NXPH1: variants seen among roughly 807,000 people sequenced by gnomAD.
NXPH1 encodes the protein neurexophilin 1, also known as neurexophilin-1.
In NXPH1, 5 loss-of-function variants were observed where a neutral mutation model predicts 23.7. The ratio of observed to expected loss-of-function variants is 0.21; its 90% CI spans 0.11 to 0.44. The LOEUF is 0.44. Ranked by LOEUF, NXPH1 falls within the 20% of genes least tolerant of loss-of-function variation. The pLI, the probability that NXPH1 is intolerant of heterozygous loss-of-function variation, is 0.99. For missense variants in NXPH1, 324 were observed against 321.6 expected (o/e 1.01, Z -0.06); for synonymous variants, 144 against 122.2 (o/e 1.18, Z -1.18).
chr7:8,594,492 C>G (rs1020326176), intron 2 of NXPH1, among the ~76,000 whole-genome samples: 4 of 152,042 alleles, frequency 2.6e-5, no homozygotes, highest in Non-Finnish European at 5.9e-5. Flanking sequence ...AGCATAGATG[C>G]ATAGTCTATG....
At chr7:8,548,565 G>A (rs1021787817) in intron 2 of NXPH1, among the ~76,000 whole-genome samples, 4 of 151,566 alleles carry the variant, frequency 2.6e-5, no homozygotes, top group Middle Eastern at 6.8e-3. Context: ...GTTTCTCTGC[G>A]AGACTGCCTA....
At chr7:8,698,595 T>C (rs1779572471) in intron 2 of NXPH1, among the ~76,000 whole-genome samples, 1 of 148,290 alleles carries the variant, frequency 6.7e-6, no homozygotes, top group South Asian at 2.2e-4. Flanking sequence ...AGACATCTTA[T>C]GGGGTACTAT....
At chr7:8,464,072 C>T (rs1472555800) in intron 2 of NXPH1, among the ~76,000 whole-genome samples, 1 of 152,124 alleles carries the variant, frequency 6.6e-6, no homozygotes, top group Non-Finnish European at 1.5e-5. Context: ...AGTGCTCCTG[C>T]ATAATCAGGT....
intron 2 of NXPH1, among the ~76,000 whole-genome samples, chr7:8,696,856 A>AAAAAAT (rs1213367378): frequency 6.7e-6 from 1 of 150,294 alleles, no homozygotes; most frequent in South Asian, 2.1e-4. Flanking sequence ...AAAAAAAAAA[A>AAAAAAT]AGTGAGGCCG....
intron 2 of NXPH1, among the ~76,000 whole-genome samples, chr7:8,455,272 CT>C (rs1445649562): frequency 5.3e-5 from 8 of 152,184 alleles, no homozygotes; most frequent in South Asian, 4.1e-4. Flanking sequence ...AATAAATTGG[CT>C]TAAATTAAAG....
chr7:8,578,002 A>T (rs565094332), intron 2 of NXPH1, among the ~76,000 whole-genome samples: 1 of 152,308 alleles, frequency 6.6e-6, no homozygotes, highest in Admixed American at 6.5e-5. Context: ...ACCTCACGAA[A>T]TACTCTGAGC....
Position 8,751,273 on chromosome 7 carries a change from G to A in NXPH1, c.320G>A (p.Arg107Lys). Reference sequence around the variant, plus strand: ...GAGCCTCGGCCCAGGGCCAAGAGAAGGCCCATTGTTAAAACGGGCAAGTTT... The same window carrying A: ...GAGCCTCGGCCCAGGGCCAAGAGAAAGCCCATTGTTAAAACGGGCAAGTTT... The part of the protein sequence containing the change: ...LQEPRPRAKR[R>K]PIVKTGKFKK... The change falls in exon 3 of 3, where the codon AGG (arginine) becomes AAG (lysine). Residue 107 changes from arginine (R) to lysine (K), a missense_variant. Physicochemically the swap from Arg to Lys is conservative, Grantham distance 26 (BLOSUM62 2). Coordinates refer to ENST00000405863, the MANE Select transcript of NXPH1 (RefSeq NM_152745.3). This position sits in a 1 kb window ranked among gnomAD's most constrained non-coding sequence, Gnocchi z 4.5. 1 of 1,613,954 alleles carries A rather than the reference G, an allele frequency of 6.2e-7. No homozygotes were observed.
chr7:8,751,190 A>C lies in NXPH1; in HGVS notation c.237A>C (p.Pro79=). 1.9e-6 allele frequency: 3 copies of C among 1,613,818 alleles called. No individual in the cohort carries two copies. Among genetic ancestry groups the C allele is most frequent in the Non-Finnish European group, 2.5e-6 (3 of 1,179,798 alleles). Residue 79 remains proline (P), a synonymous_variant, in exon 3 of 3, where the codon CCA becomes CCC. Coordinates refer to ENST00000405863, the MANE Select transcript of NXPH1 (RefSeq NM_152745.3). This position sits in a 1 kb window ranked among gnomAD's most constrained non-coding sequence, Gnocchi z 4.5. ...DTDLDLRYDT[P]EPYSEQDLWD... The stretch of plus-strand genomic sequence containing the variant: ...ATTTGGACCTGAGATATGACACCCC[A>C]GAACCTTATTCTGAGCAAGACCTCT...
intron 2 of NXPH1, among the ~76,000 whole-genome samples, chr7:8,646,774 C>T (rs1820405518): frequency 6.6e-6 from 1 of 151,912 alleles, no homozygotes; most frequent in African/African-American, 2.4e-5. Context: ...AACAGTCCCT[C>T]TATAATTTTA....
At chr7:8,444,611 GGTGTCTT>G (rs1816364535) in intron 2 of NXPH1, among the ~76,000 whole-genome samples, 1 of 152,228 alleles carries the variant, frequency 6.6e-6, no homozygotes. Flanking sequence ...TTCCTGTACA[GGTGTCTT>G]CGCAGTTACC....
At chr7:8,458,671 A>C (rs944031448) in intron 2 of NXPH1, among the ~76,000 whole-genome samples, 2 of 152,162 alleles carry the variant, frequency 1.3e-5, no homozygotes, top group African/African-American at 4.8e-5. Flanking sequence ...TCAGTTTTCT[A>C]ATATGTAAAG....
At chr7:8,550,183 A>G (rs540983509) in intron 2 of NXPH1, among the ~76,000 whole-genome samples, 1 of 151,726 alleles carries the variant, frequency 6.6e-6, no homozygotes, top group South Asian at 2.1e-4. Context: ...GGCTAAAGCC[A>G]CTAGAGAATG....
chr7:8,633,409 G>A (rs1244249557), intron 2 of NXPH1, among the ~76,000 whole-genome samples: 3 of 152,186 alleles, frequency 2.0e-5, no homozygotes, highest in Non-Finnish European at 2.9e-5. Context: ...GAGACAGAGC[G>A]AGAGTCCATC....
At chr7:8,734,158 A>T in intron 2 of NXPH1, among the ~76,000 whole-genome samples, 1 of 152,076 alleles carries the variant, frequency 6.6e-6, no homozygotes, top group East Asian at 1.9e-4. Context: ...TGTTTTTGTC[A>T]GGTTTGTCAA....
intron 2 of NXPH1, among the ~76,000 whole-genome samples, chr7:8,475,488 T>TA (rs1452261691): frequency 6.6e-6 from 1 of 152,048 alleles, no homozygotes; most frequent in Admixed American, 6.6e-5. Context: ...GATTTCTAAA[T>TA]AAAAAACAAC....
chr7:8,561,290 C>T (rs1818439873), intron 2 of NXPH1, among the ~76,000 whole-genome samples: 2 of 150,500 alleles, frequency 1.3e-5, no homozygotes, highest in African/African-American at 4.9e-5. Flanking sequence ...GCAAATTGCC[C>T]TTAGGTAGGG....
In NXPH1 at chr7:8,460,876, A is replaced by G. The variant is rs1816682802; in HGVS notation, c.54+25109A>G. On this transcript the variant is annotated intron_variant, in intron 2 of 2. Coordinates refer to ENST00000405863, the MANE Select transcript of NXPH1 (RefSeq NM_152745.3). ...AAGATTGGAGTGATCATCTCCTAAGACTTTGTGAAAAATCAATGAAATAAT... is the reference window on the plus strand; with the variant it reads ...AAGATTGGAGTGATCATCTCCTAAGGCTTTGTGAAAAATCAATGAAATAAT... 2.6e-5 allele frequency among the ~76,000 whole-genome samples: 4 copies of G among 152,214 alleles called. No homozygotes were observed. The South Asian group carries it at 8.3e-4, about 32-fold the overall frequency.
In NXPH1 at chr7:8,693,216, T is replaced by C. The variant is rs181729754; in HGVS notation, c.55-57792T>C. Among the ~76,000 whole-genome samples, 418 of 152,260 alleles carry C rather than the reference T, an allele frequency of 2.7e-3. 3 individuals are homozygous for C. The highest frequency in any genetic ancestry group is 9.7e-3 in the African/African-American group (401 of 41,548). On this transcript the variant is annotated intron_variant, in intron 2 of 2. Transcript: ENST00000405863. ...AACAAAAAAAACAAACCTCAGTCTG[T>C]GAACAAAGCCCAGGTCAATATTTGG...
At chr7:8,678,882 C>A (rs1368762762) in intron 2 of NXPH1, among the ~76,000 whole-genome samples, 1 of 143,534 alleles carries the variant, frequency 7.0e-6, no homozygotes, top group Admixed American at 6.9e-5. Context: ...GACCTCTCCT[C>A]TCTTAGTTTT....
Sources: allele counts gnomAD v4.1 joint callset (sites outside exome capture counted in the v4.1 genomes callset), GRCh38; gene constraint gnomAD v4.1.1; non-coding constraint Gnocchi (gnomAD v3.1); transcripts MANE v1.5; gene names NCBI Gene and HGNC (gene_info 2026-07-23, HGNC 2026-07-21).